Variants in COL2A1 observed in about 807,000 individuals in gnomAD.
COL2A1 encodes collagen alpha-1(II) chain.
Under a neutral mutation model 204.5 loss-of-function variants are expected in COL2A1, and 28 were observed. The observed-to-expected ratio is 0.14, with a 90% CI of 0.10 to 0.19. The LOEUF is 0.19. Ranked by LOEUF, COL2A1 falls within the 10% of genes least tolerant of loss-of-function variation. The probability of loss-of-function intolerance (pLI) is 1.00; values close to 1 mark genes in which losing one functional copy is unlikely to be tolerated. For missense variants in COL2A1, 1,388 were observed against 2,027.5 expected, an observed-to-expected ratio of 0.68 and a Z score of 6.06; for synonymous variants, 708 against 718.7, an observed-to-expected ratio of 0.99 and a Z score of 0.24.
intron 52 of COL2A1, 131 bp from the exon 53 acceptor site, chr12:47,974,462 C>A (rs1226985008): frequency 7.3e-7 from 1 of 1,368,118 alleles, no homozygotes; most frequent in Non-Finnish European, 1.0e-6. Context: ...GCTAGTTGGA[C>A]ATTTTTGCTT....
In COL2A1 at chr12:47,973,619, GA is replaced by G. The variant is rs2136503094; in HGVS notation, c.4318-67del. 5.0e-6 allele frequency: 8 copies of G among 1,594,942 alleles called. No individual in the cohort carries two copies. In the South Asian group the frequency reaches 7.7e-5, roughly 15 times the overall value. ...CTTGCTACCCAGTTCCAGCTGCCCA[GA>G]AGCCCAAAACTGAACAAACTGGCGA... On this transcript the variant is annotated intron_variant, in intron 53 of 53. Coordinates refer to ENST00000380518, the MANE Select transcript of COL2A1 (RefSeq NM_001844.5).
chr12:47,985,700 C>T, intron 25 of COL2A1, 28 bp downstream of exon 25: 2 of 1,613,138 alleles, frequency 1.2e-6, no homozygotes, highest in Non-Finnish European at 1.7e-6. Context: ...GGTCTGAAGC[C>T]AAGGGCAACA....
chr12:47,998,129 G>A lies in COL2A1; in HGVS notation c.342+40C>T, dbSNP rs764275096. ...AGCACAAGGAAATGACCCATTTAGA[G>A]CAGCAGCTGCAATACCGGGTGAGAA... is the stretch of plus-strand genomic sequence containing the variant. On this transcript the variant is annotated intron_variant, in intron 4 of 53. Transcript: ENST00000380518. The A allele has an allele frequency of 2.4e-5, 38 of 1,614,168 alleles. 1 individual carries two copies. In the South Asian group the frequency reaches 4.0e-4, roughly 17 times the overall value.
chr12:47,974,829 G>T lies in COL2A1; in HGVS notation c.3920C>A (p.Thr1307Asn), dbSNP rs761461081. The change falls in exon 52 of 54, where the codon ACC (threonine) becomes AAC (asparagine). Residue 1307 changes from threonine to asparagine, a missense_variant. Thr to Asn is a moderately conservative substitution (Grantham distance 65). Transcript: ENST00000380518. ...GCAGAAAACCTTCATGGCGTCCAAG[G>T]TGCAGCCTTGGTTGGGGTCAATCCA... ...DYWIDPNQGC[T>N]LDAMKVFCNM... The T allele has an allele frequency of 6.2e-6, 10 of 1,614,190 alleles. No homozygotes were observed. The highest frequency in any genetic ancestry group is 8.5e-6 in the Non-Finnish European group (10 of 1,180,008).
rs561563173 is a variant in COL2A1 at position 47,995,582 on chromosome 12, G to A, written c.708+128C>T. ...CCTCCACAGCTAGGAAGTGACATCC[G>A]AATTTCCTTGGGGCCACCGACTGTG... On this transcript the variant is annotated intron_variant, in intron 10 of 53. Coordinates refer to ENST00000380518, the MANE Select transcript of COL2A1 (RefSeq NM_001844.5). 1.6e-5 allele frequency: 16 copies of A among 1,029,458 alleles called. No individual in the cohort carries two copies. The East Asian group carries it at 2.1e-4, about 14-fold the overall frequency. The allele number at this position is 1,029,458 out of a possible 1,614,324, so 63.8% of individuals were successfully genotyped here.
In COL2A1 at chr12:47,986,266, G is replaced by A. The variant is rs1043786261; in HGVS notation, c.1527+70C>T. On this transcript the variant is annotated intron_variant, in intron 23 of 53. Transcript: ENST00000380518. ...AGTCACGAGACTTGACCAGAACACG[G>A]ACCACAAGGACTCCACTTCCCTCTC... 2.2e-5 allele frequency: 23 copies of A among 1,052,504 alleles called. 1 individual carries two copies. Among genetic ancestry groups the A allele is most frequent in the Non-Finnish European group, 3.3e-5 (23 of 690,790 alleles). 65.2% of individuals were successfully genotyped at this position (1,052,504 alleles called of 1,614,324 possible). A position where few individuals can be genotyped will look rare whatever the true frequency, so the allele number is the denominator to read the frequency against.
At position 47,975,384 on chromosome 12, in the gene COL2A1, C is replaced by G; in HGVS notation, c.3819G>C (p.Glu1273Asp). The change falls in exon 51 of 54, where the codon GAG (glutamate) becomes GAC (aspartate). Residue 1273 changes from glutamate to aspartate, a missense_variant. Glu to Asp is a conservative substitution (Grantham distance 45). Coordinates refer to ENST00000380518, the MANE Select transcript of COL2A1 (RefSeq NM_001844.5). Reference sequence around the variant, plus strand: ...TGCGAGCAGGGTTCTTGCGGGAGCCCTCGGGGCTGCGGATGCTCTCAATCT... The same window carrying G: ...TGCGAGCAGGGTTCTTGCGGGAGCCGTCGGGGCTGCGGATGCTCTCAATCT... ...NNQIESIRSP[E>D]GSRKNPARTC... 2 of 1,614,184 alleles carry G rather than the reference C, an allele frequency of 1.2e-6. No homozygotes were observed. The highest frequency in any genetic ancestry group is 1.7e-6 in the Non-Finnish European group (2 of 1,180,030).
intron 1 of COL2A1, 118 bp from the exon 2 acceptor site, chr12:48,000,243 A>G (rs1940170692): frequency 1.4e-6 from 1 of 737,886 alleles, no homozygotes; most frequent in East Asian, 2.7e-5. Flanking sequence ...TGAAGAATGT[A>G]GGCTGGGGCC....
Position 47,985,044 on chromosome 12 carries a change from G to T in COL2A1, c.1784C>A (p.Ala595Asp). 1.2e-6 allele frequency: 2 copies of T among 1,613,972 alleles called. No individual in the cohort carries two copies. The highest frequency in any genetic ancestry group is 1.7e-6 in the Non-Finnish European group (2 of 1,179,992). ...GRPGPPGPQG[A>D]RGQPGVMGFP... ...ACCCATGACACCAGGCTGCCCACGA[G>T]CCCCCTGAGGACCTGGAGGTCCAGG... The change falls in exon 27 of 54, where the codon GCT becomes GAT. Residue 595 changes from alanine (A) to aspartate (D), a missense_variant. Coordinates refer to ENST00000380518, the MANE Select transcript of COL2A1 (RefSeq NM_001844.5).
intron 7 of COL2A1, among the ~76,000 whole-genome samples, chr12:47,997,083 A>G (rs548821179): frequency 6.6e-6 from 1 of 152,276 alleles, no homozygotes; most frequent in South Asian, 2.1e-4. Flanking sequence ...AATTTAAAAT[A>G]CAGCAAACAT....
At chr12:47,992,847 ATGG>A in intron 16 of COL2A1, 28 bp downstream of exon 16, 1 of 1,612,682 alleles carries the variant, frequency 6.2e-7, no homozygotes, top group Non-Finnish European at 8.5e-7. Flanking sequence ...TGCTCGGCAA[ATGG>A]TGGTGTTTGG....
chr12:47,985,670 C>T (rs1592217222), intron 25 of COL2A1, 58 bp downstream of exon 25: 1 of 1,609,224 alleles, frequency 6.2e-7, no homozygotes, highest in Admixed American at 1.7e-5. Flanking sequence ...CTGGAAGGAG[C>T]CAGCCAGGAA....
chr12:47,989,080 C>G, intron 18 of COL2A1, 148 bp downstream of exon 18: 1 of 721,474 alleles, frequency 1.4e-6, no homozygotes, highest in Non-Finnish European at 2.5e-6. Flanking sequence ...TTTGCCCTGC[C>G]TGGATGGAGG....
chr12:47,992,502 T>A (rs1358188107), intron 16 of COL2A1, among the ~76,000 whole-genome samples: 2 of 152,170 alleles, frequency 1.3e-5, no homozygotes, highest in African/African-American at 2.4e-5. Flanking sequence ...TGCTCACCTG[T>A]TCCACTTTTC....
upstream of COL2A1, chr12:48,005,490 C>G (rs149250063): frequency 5.0e-4 from 76 of 152,298 alleles, no homozygotes; most frequent in African/African-American, 1.8e-3. Context: ...GGAGGCCGAT[C>G]CAGCTGGCGA....
chr12:47,978,833 T>C lies in COL2A1; in HGVS notation c.2734-75A>G. On this transcript the variant is annotated intron_variant, in intron 41 of 53. Transcript: ENST00000380518. This position sits in a 1 kb window ranked among gnomAD's most constrained non-coding sequence, Gnocchi z 5.5. Reference sequence around the variant, plus strand: ...CCAGGCTGCCAAAGTCACTGTGGCCTCAGTGACAGCAGTTTCCTCTCTGGG... The same window carrying C: ...CCAGGCTGCCAAAGTCACTGTGGCCCCAGTGACAGCAGTTTCCTCTCTGGG... The C allele has an allele frequency of 6.7e-7, 1 of 1,499,390 alleles. No homozygotes were observed. The highest frequency in any genetic ancestry group is 2.3e-5 in the East Asian group (1 of 43,998). 92.9% of individuals were successfully genotyped at this position (1,499,390 alleles called of 1,614,324 possible). A position where few individuals can be genotyped will look rare whatever the true frequency, so the allele number is the denominator to read the frequency against.
chr12:47,973,176 G>C lies in COL2A1; in HGVS notation c.*231C>G, dbSNP rs775684145. The C allele has an allele frequency of 1.1e-5, 7 of 638,212 alleles. No individual in the cohort carries two copies. The highest frequency in any genetic ancestry group is 2.7e-5 in the East Asian group (1 of 36,746). 39.5% of individuals were successfully genotyped at this position (638,212 alleles called of 1,614,324 possible). A position where few individuals can be genotyped will look rare whatever the true frequency, so the allele number is the denominator to read the frequency against. On this transcript the variant is annotated 3_prime_UTR_variant, in exon 54 of 54. Transcript: ENST00000380518. ...TTCCTGCCTCTGCCTTGACCCGAAG[G>C]TCTTACAGGAAGACAATAAATAAAT...
intron 25 of COL2A1, 58 bp from the exon 26 acceptor site, chr12:47,985,645 C>T (rs1409294560): frequency 1.2e-5 from 20 of 1,611,132 alleles, no homozygotes; most frequent in Non-Finnish European, 1.7e-5. Flanking sequence ...ACCTCCCAAT[C>T]CTGGCAGTGC....
In COL2A1 at chr12:47,987,553, A is replaced by C. The variant is rs901939131; in HGVS notation, c.1221+58T>G. ...AACTGTCAGAGCAAAGTACAGAGTC[A>C]AGAGTTCCAAAGCCACAGACCCCAG... On this transcript the variant is annotated intron_variant, in intron 19 of 53. Transcript: ENST00000380518. This position sits in a 1 kb window ranked among gnomAD's most constrained non-coding sequence, Gnocchi z 4.1. 9.0e-6 allele frequency: 13 copies of C among 1,448,284 alleles called. No homozygotes were observed. In the African/African-American group the frequency reaches 1.5e-4, roughly 17 times the overall value. The allele number at this position is 1,448,284 out of a possible 1,614,324, so 89.7% of individuals were successfully genotyped here.
Sources: gnomAD v4.1 joint callset for allele counts (sites outside exome capture counted in the v4.1 genomes callset) on GRCh38, gnomAD v4.1.1 for gene constraint, Gnocchi (gnomAD v3.1) non-coding constraint, MANE v1.5 for transcripts, NCBI Gene and HGNC (gene_info 2026-07-23, HGNC 2026-07-21) for gene names.